AKT3: variants seen among roughly 807,000 people sequenced by gnomAD.
AKT3 encodes AKT serine/threonine kinase 3.
Under a neutral mutation model 65.3 loss-of-function variants are expected in AKT3, and 15 were observed. The ratio of observed to expected loss-of-function variants is 0.23; its 90% CI spans 0.15 to 0.35. The LOEUF (loss-of-function observed/expected upper bound fraction) is 0.35, where lower values mean the gene tolerates loss of function less well. Among genes scored for constraint, AKT3 ranks in the 10% least tolerant of loss-of-function variants. The pLI is 1.00. For synonymous variants in AKT3, 206 were observed against 183.8 expected (o/e 1.12, Z -0.98); for missense variants, 243 against 576.5 (o/e 0.42, Z 5.92).
chr1:243,677,273 A>G (rs1683588108), intron 3 of AKT3, among the ~76,000 whole-genome samples: 1 of 152,136 alleles, frequency 6.6e-6, no homozygotes, highest in South Asian at 2.1e-4. Flanking sequence ...ATCCCTGAAG[A>G]TCTACTACAC....
chr1:243,653,347 G>C (rs1230869960), intron 4 of AKT3, among the ~76,000 whole-genome samples: 3 of 152,136 alleles, frequency 2.0e-5, no homozygotes, highest in Admixed American at 6.5e-5. Context: ...AATTCAGGCA[G>C]CAATTAACAG....
chr1:243,590,411 T>C (rs1330867069), intron 8 of AKT3, among the ~76,000 whole-genome samples: 2 of 151,754 alleles, frequency 1.3e-5, no homozygotes, highest in East Asian at 3.9e-4. Context: ...AGAAATAAAT[T>C]AAAAAAAGAA....
At chr1:243,751,722 A>G (rs1301139415) in intron 2 of AKT3, among the ~76,000 whole-genome samples, 3 of 152,082 alleles carry the variant, frequency 2.0e-5, no homozygotes, top group Non-Finnish European at 4.4e-5. Context: ...AGTTCCTGAG[A>G]CATGCATGGA....
chr1:243,492,604 G>GTTTTTTT (rs74162289), intron 13 of AKT3, among the ~76,000 whole-genome samples: 22 of 58,868 alleles, frequency 3.7e-4, no homozygotes, highest in African/African-American at 9.7e-4. Context: ...GCGCCCAGCT[G>GTTTTTTT]TTTTTTTTTT....
At chr1:243,835,664 AC>A (rs377095708) in intron 2 of AKT3, among the ~76,000 whole-genome samples, 20 of 152,274 alleles carry the variant, frequency 1.3e-4, no homozygotes, top group African/African-American at 4.3e-4. Flanking sequence ...AGAGCCACAA[AC>A]AATTGTAATA....
In AKT3 at chr1:243,500,998, T is replaced by C. The variant is rs1669241034; in HGVS notation, c.*4251A>G. ...TCTAAAAATAGCACCTTTAAAGAAT[T>C]ATAGAGGTCACTTTTTTTTAGCCTC... On this transcript the variant is annotated 3_prime_UTR_variant, in exon 14 of 14. Coordinates refer to ENST00000673466, the MANE Select transcript of AKT3 (RefSeq NM_005465.7). 4.4e-6 allele frequency: 1 copy of C among 228,962 alleles called. No individual in the cohort carries two copies. 14.2% of individuals were successfully genotyped at this position (228,962 alleles called of 1,614,324 possible).
chr1:243,533,941 G>T (rs1671729327), intron 12 of AKT3, among the ~76,000 whole-genome samples: 1 of 152,182 alleles, frequency 6.6e-6, no homozygotes, highest in East Asian at 1.9e-4. Flanking sequence ...AGTGAGCCCA[G>T]ATTGTGCCAC....
chr1:243,601,506 G>C (rs1219610886), intron 8 of AKT3, among the ~76,000 whole-genome samples: 2 of 152,076 alleles, frequency 1.3e-5, no homozygotes, highest in African/African-American at 4.8e-5. Context: ...TTTGAAAAGA[G>C]TCTGCAGTTT....
intron 3 of AKT3, among the ~76,000 whole-genome samples, chr1:243,682,735 G>A (rs1407560666): frequency 1.3e-5 from 2 of 152,048 alleles, no homozygotes; most frequent in Non-Finnish European, 2.9e-5. Flanking sequence ...ACTTTGACAA[G>A]ATGAAAAGAA....
At chr1:243,788,893 G>C (rs905960943) in intron 2 of AKT3, 1 of 152,598 alleles carries the variant, frequency 6.6e-6, no homozygotes, top group African/African-American at 2.4e-5. Context: ...TCTCTGTAAC[G>C]TGTCATACTA....
intron 2 of AKT3, among the ~76,000 whole-genome samples, chr1:243,719,505 A>T (rs1044783748): frequency 6.6e-6 from 1 of 152,222 alleles, no homozygotes; most frequent in South Asian, 2.1e-4. Context: ...TTTTGAGTAA[A>T]CTAAATTACA....
chr1:243,800,729 AAAAG>A (rs929260405), intron 2 of AKT3, among the ~76,000 whole-genome samples: 7 of 152,126 alleles, frequency 4.6e-5, no homozygotes, highest in Non-Finnish European at 4.4e-5. Context: ...GGAAAAAAAA[AAAAG>A]AGAGATTATG....
intron 11 of AKT3, among the ~76,000 whole-genome samples, chr1:243,545,879 A>G (rs1187883739): frequency 1.3e-5 from 2 of 152,180 alleles, no homozygotes; most frequent in Non-Finnish European, 2.9e-5. Context: ...GACAACAGAA[A>G]AGAGGCTTAA....
chr1:243,837,428 T>C (rs1694960191), intron 2 of AKT3, among the ~76,000 whole-genome samples: 1 of 152,118 alleles, frequency 6.6e-6, no homozygotes, highest in African/African-American at 2.4e-5. Flanking sequence ...GAGAAACAAG[T>C]GCTTCCCAAC....
intron 2 of AKT3, among the ~76,000 whole-genome samples, chr1:243,713,292 T>G (rs1686272632): frequency 6.6e-6 from 1 of 152,124 alleles, no homozygotes; most frequent in Non-Finnish European, 1.5e-5. Flanking sequence ...TGTATTGCCA[T>G]TTAAAGAAGT....
chr1:243,642,486 T>A (rs1053329913), intron 5 of AKT3, among the ~76,000 whole-genome samples: 1 of 152,174 alleles, frequency 6.6e-6, no homozygotes, highest in East Asian at 1.9e-4. Context: ...ATTTTTTGTA[T>A]TTTTAGTAGA....
At chr1:243,562,358 C>T (rs1673851380) in intron 10 of AKT3, among the ~76,000 whole-genome samples, 1 of 152,064 alleles carries the variant, frequency 6.6e-6, no homozygotes, top group Admixed American at 6.6e-5. Context: ...GGGTTTCTTG[C>T]TGGAGTGATG....
intron 2 of AKT3, among the ~76,000 whole-genome samples, chr1:243,841,167 C>A (rs1446730117): frequency 1.7e-5 from 2 of 120,186 alleles, no homozygotes; most frequent in Admixed American, 9.3e-5. Flanking sequence ...AAAATGATGG[C>A]AAATTCTTAT....
intron 3 of AKT3, among the ~76,000 whole-genome samples, chr1:243,679,192 C>CAATT (rs1315987159): frequency 6.6e-6 from 1 of 152,066 alleles, no homozygotes; most frequent in African/African-American, 2.4e-5. Context: ...AAATATGTAT[C>CAATT]AATTAACTGT....
Sources: allele counts gnomAD v4.1 joint callset (sites outside exome capture counted in the v4.1 genomes callset), GRCh38; gene constraint gnomAD v4.1.1; transcripts MANE v1.5; gene names NCBI Gene and HGNC (gene_info 2026-07-23, HGNC 2026-07-21).